The following MACROD2 variants were observed in gnomAD, a reference collection of about 807,000 sequenced individuals.
MACROD2 encodes the protein ADP-ribose glycohydrolase MACROD2.
Under a neutral mutation model 70.4 loss-of-function variants are expected in MACROD2, and 36 were observed. The observed-to-expected ratio is 0.51, with a 90% CI of 0.39 to 0.68. MACROD2 has a LOEUF of 0.68. Ranked by LOEUF, MACROD2 falls within the 30% of genes least tolerant of loss-of-function variation. MACROD2 has a pLI of 0.00. For synonymous variants in MACROD2, 172 were observed against 178.8 expected (o/e 0.96, Z 0.30); for missense variants, 496 against 538.4 (o/e 0.92, Z 0.78).
chr20:15,512,190 A>G (rs2047508723), intron 8 of MACROD2, among the ~76,000 whole-genome samples: 1 of 152,174 alleles, frequency 6.6e-6, no homozygotes, highest in South Asian at 2.1e-4. Flanking sequence ...CTTTCTACTC[A>G]CAAGCACTTG....
intron 3 of MACROD2, chr20:14,325,170 T>C (rs1483295002): frequency 6.4e-6 from 1 of 156,158 alleles, no homozygotes; most frequent in Non-Finnish European, 1.4e-5. Context: ...GTGCTTATAC[T>C]ACAAGGATCT....
chr20:14,608,689 G>A (rs1441031714), intron 4 of MACROD2, among the ~76,000 whole-genome samples: 2 of 152,112 alleles, frequency 1.3e-5, no homozygotes, highest in Non-Finnish European at 2.9e-5. Flanking sequence ...AGGGGAGAGC[G>A]ACAAGTGTCA....
intron 3 of MACROD2, among the ~76,000 whole-genome samples, chr20:14,417,695 C>A (rs2083825610): frequency 6.6e-6 from 1 of 152,150 alleles, no homozygotes; most frequent in African/African-American, 2.4e-5. Context: ...TGTAGGTTTT[C>A]CACAGTACAG....
chr20:14,020,728 T>G (rs2053064841), intron 2 of MACROD2, among the ~76,000 whole-genome samples: 1 of 152,172 alleles, frequency 6.6e-6, no homozygotes, highest in South Asian at 2.1e-4. Context: ...CAAACAATTT[T>G]TGCAAAGACT....
intron 2 of MACROD2, among the ~76,000 whole-genome samples, chr20:14,065,305 TTGAC>T (rs1239642217): frequency 2.0e-5 from 3 of 152,228 alleles, no homozygotes; most frequent in Non-Finnish European, 4.4e-5. Context: ...CGCAATTTCT[TTGAC>T]TGTTGTATAA....
intron 4 of MACROD2, among the ~76,000 whole-genome samples, chr20:14,549,375 A>G (rs185035671): frequency 1.3e-5 from 2 of 152,328 alleles, no homozygotes; most frequent in East Asian, 1.9e-4. Context: ...AATACTGTAT[A>G]TACTAGTTTT....
chr20:14,276,225 C>G (rs537909846), intron 3 of MACROD2, among the ~76,000 whole-genome samples: 15 of 151,836 alleles, frequency 9.9e-5, no homozygotes, highest in African/African-American at 3.1e-4. Context: ...TTGGAACCAA[C>G]CCAAATGTCC....
intron 3 of MACROD2, among the ~76,000 whole-genome samples, chr20:14,417,152 C>T (rs2083818854): frequency 1.3e-5 from 2 of 151,842 alleles, no homozygotes; most frequent in South Asian, 4.1e-4. Context: ...AAGTTCTAGA[C>T]TTGTTTTATT....
In MACROD2 at chr20:15,229,942, G is replaced by A. The variant is rs776926061; in HGVS notation, c.421G>A (p.Val141Ile). ...TCGYDLPAKYVIHTVGPIARG... is the reference protein window; with the variant it reads ...TCGYDLPAKYIIHTVGPIARG... The stretch of plus-strand genomic sequence containing the variant: ...TTTCCTTCCTTTTGTATTTACAGAT[G>A]TCATCCATACTGTAGGGCCAATAGC... Residue 141 changes from valine to isoleucine, a missense_variant and splice_region_variant, in exon 6 of 18, where the codon GTC becomes ATC. Coordinates refer to ENST00000684519, the MANE Select transcript of MACROD2 (RefSeq NM_001351661.2). The A allele has an allele frequency of 6.2e-7, 1 of 1,604,114 alleles. No individual in the cohort carries two copies. The highest frequency in any genetic ancestry group is 1.1e-5 in the South Asian group (1 of 88,540).
intron 3 of MACROD2, among the ~76,000 whole-genome samples, chr20:14,191,675 G>A (rs1487910486): frequency 6.6e-6 from 1 of 152,222 alleles, no homozygotes; most frequent in African/African-American, 2.4e-5. Flanking sequence ...TGGCACTTGA[G>A]CAGGGACCTG....
At chr20:15,200,037 A>G (rs2076641675) in intron 5 of MACROD2, among the ~76,000 whole-genome samples, 1 of 149,882 alleles carries the variant, frequency 6.7e-6, no homozygotes, top group Non-Finnish European at 1.5e-5. Flanking sequence ...TATTAGAGTA[A>G]ATAACCGTTA....
chr20:15,825,249 C>G (rs1468906498), intron 8 of MACROD2, among the ~76,000 whole-genome samples: 2 of 152,202 alleles, frequency 1.3e-5, no homozygotes. Context: ...TAAGCCTAAA[C>G]TTTAGGGGGA....
intron 3 of MACROD2, among the ~76,000 whole-genome samples, chr20:14,169,512 C>T (rs931895288): frequency 1.6e-4 from 24 of 152,176 alleles, no homozygotes; most frequent in African/African-American, 5.8e-4. Context: ...CCATGTTGGT[C>T]AGGCTGGTCT....
At position 14,857,683 on chromosome 20, in the gene MACROD2, A is replaced by C. The variant is rs184524367; in HGVS notation, c.418+172724A>C. Among the ~76,000 whole-genome samples, 16 of 152,328 alleles carry C rather than the reference A, an allele frequency of 1.1e-4. No homozygotes were observed. In the East Asian group the frequency reaches 3.1e-3, roughly 29 times the overall value. On this transcript the variant is annotated intron_variant, in intron 5 of 17. Coordinates refer to ENST00000684519, the MANE Select transcript of MACROD2 (RefSeq NM_001351661.2). The stretch of plus-strand genomic sequence containing the variant: ...GGCAAGATTTGATTTAAACAGAAGG[A>C]GCCATTAGACAATTAAATACTAATT...
chr20:14,994,011 A>G (rs989928169), intron 5 of MACROD2, among the ~76,000 whole-genome samples: 1 of 152,178 alleles, frequency 6.6e-6, no homozygotes, highest in African/African-American at 2.4e-5. Context: ...TGAATCTTCA[A>G]GAAGGCATCA....
In MACROD2 at chr20:15,249,316, C is replaced by T. The variant is rs190475891; in HGVS notation, c.540+19255C>T. 5.1e-3 allele frequency among the ~76,000 whole-genome samples: 778 copies of T among 152,324 alleles called. 6 individuals are homozygous for T. The highest frequency in any genetic ancestry group is 0.018 in the African/African-American group (737 of 41,580). On this transcript the variant is annotated intron_variant, in intron 6 of 17. Coordinates refer to ENST00000684519, the MANE Select transcript of MACROD2 (RefSeq NM_001351661.2). ...AGCTTCTGTGGTACTGTCTTCTCTA[C>T]TCTCTCCCAGCCACCATTTTCTGTC... is the stretch of plus-strand genomic sequence containing the variant.
intron 8 of MACROD2, among the ~76,000 whole-genome samples, chr20:15,640,066 T>A (rs1433108963): frequency 7.5e-6 from 1 of 133,412 alleles, no homozygotes; most frequent in African/African-American, 2.9e-5. Context: ...AAAGGGGGCG[T>A]GAGAGAAGGT....
chr20:15,581,413 C>G (rs1568907970), intron 8 of MACROD2, among the ~76,000 whole-genome samples: 1 of 152,012 alleles, frequency 6.6e-6, no homozygotes, highest in Non-Finnish European at 1.5e-5. Context: ...CTTTTTTTCT[C>G]TTTGTGCCTC....
intron 5 of MACROD2, among the ~76,000 whole-genome samples, chr20:15,206,081 T>A (rs1026222808): frequency 3.9e-5 from 6 of 152,196 alleles, no homozygotes; most frequent in African/African-American, 1.4e-4. Flanking sequence ...TGTGTGTGTG[T>A]GATGACAAGC....
Sources: gnomAD v4.1 joint callset for allele counts (sites outside exome capture counted in the v4.1 genomes callset) on GRCh38, gnomAD v4.1.1 for gene constraint, MANE v1.5 for transcripts, NCBI Gene and HGNC (gene_info 2026-07-23, HGNC 2026-07-21) for gene names.